Variants in ATP6V1B2 observed in about 807,000 individuals in gnomAD.
ATP6V1B2 encodes the protein ATPase H+ transporting V1 subunit B2.
Under a neutral mutation model 66.7 loss-of-function variants are expected in ATP6V1B2, and 23 were observed. That is an observed-to-expected ratio of 0.34 (90% CI 0.25 to 0.49). ATP6V1B2 has a LOEUF of 0.49. Among genes scored for constraint, ATP6V1B2 ranks in the 20% least tolerant of loss-of-function variants. The pLI, the probability that ATP6V1B2 is intolerant of heterozygous loss-of-function variation, is 0.99. For synonymous variants in ATP6V1B2, 278 were observed against 236.7 expected (o/e 1.17, Z -1.60); for missense variants, 478 against 650.8 (o/e 0.73, Z 2.89).
At chr8:20,201,310 G>T (rs979194158) in intron 1 of ATP6V1B2, among the ~76,000 whole-genome samples, 1 of 152,162 alleles carries the variant, frequency 6.6e-6, no homozygotes, top group Non-Finnish European at 1.5e-5. Flanking sequence ...TTACAAATGG[G>T]TTTTTTCCTG....
At chr8:20,215,118 A>C in intron 10 of ATP6V1B2, 150 bp downstream of exon 10, 2 of 903,062 alleles carry the variant, frequency 2.2e-6, no homozygotes, top group Non-Finnish European at 3.1e-6. Context: ...TTCATTTGAA[A>C]ATTACCCACA....
chr8:20,203,980 C>T (rs1303916316), intron 1 of ATP6V1B2: 2 of 455,910 alleles, frequency 4.4e-6, no homozygotes, highest in Non-Finnish European at 4.4e-6. Flanking sequence ...TCTCCAATTT[C>T]CTTTGTGACT....
chr8:20,201,584 A>G (rs1176132533), intron 1 of ATP6V1B2, among the ~76,000 whole-genome samples: 1 of 152,126 alleles, frequency 6.6e-6, no homozygotes, highest in Non-Finnish European at 1.5e-5. Context: ...TGTACTGAAG[A>G]CTAAGGCCAG....
Position 20,197,444 on chromosome 8 carries a change from C to A in ATP6V1B2, c.38C>A (p.Ala13Asp). 3 of 1,541,564 alleles carry A rather than the reference C, an allele frequency of 1.9e-6. No homozygotes were observed. Among genetic ancestry groups the A allele is most frequent in the East Asian group, 2.7e-5 (1 of 37,646 alleles). The change falls in exon 1 of 14, where the codon GCC (alanine) becomes GAC (aspartate). Residue 13 changes from alanine to aspartate, a missense_variant. Ala to Asp is a moderately radical substitution (Grantham distance 126). Coordinates refer to ENST00000276390, the MANE Select transcript of ATP6V1B2 (RefSeq NM_001693.4). Reference sequence around the variant, plus strand: ...GCGATGCGGGGGATTGTCAACGGGGCCGCACCCGAGCTACCCGTGCCCACC... The same window carrying A: ...GCGATGCGGGGGATTGTCAACGGGGACGCACCCGAGCTACCCGTGCCCACC... ...LRAMRGIVNGAAPELPVPTGG... is the reference protein window; with the variant it reads ...LRAMRGIVNGDAPELPVPTGG...
At chr8:20,205,862 G>A (rs2072733623) in intron 2 of ATP6V1B2, among the ~76,000 whole-genome samples, 3 of 152,120 alleles carry the variant, frequency 2.0e-5, no homozygotes, top group African/African-American at 7.2e-5. Flanking sequence ...ATGCATTCAT[G>A]TTAGATATTA....
rs576289068 is a variant in ATP6V1B2 at position 20,204,657 on chromosome 8, G to A, written c.192+118G>A. ...AAGCCATACTTTAGACTGGGTGTCA[G>A]TCAGTCTAAAGCCCAGATACCATGA... On this transcript the variant is annotated intron_variant, in intron 2 of 13. Transcript: ENST00000276390. 31 of 822,832 alleles carry A rather than the reference G, an allele frequency of 3.8e-5. No individual in the cohort carries two copies. The South Asian group carries it at 6.1e-4, about 16-fold the overall frequency. 51.0% of individuals were successfully genotyped at this position (822,832 alleles called of 1,614,324 possible).
chr8:20,201,084 T>A (rs745620159), intron 1 of ATP6V1B2, among the ~76,000 whole-genome samples: 1 of 150,164 alleles, frequency 6.7e-6, no homozygotes, highest in Non-Finnish European at 1.5e-5. Context: ...GGGTTTTAGA[T>A]GTTACTTCAT....
At chr8:20,199,604 G>GTTTTTTTTTTTT in intron 1 of ATP6V1B2, among the ~76,000 whole-genome samples, 1 of 87,592 alleles carries the variant, frequency 1.1e-5, no homozygotes, top group Non-Finnish European at 2.1e-5. Context: ...ATTTTTGTGG[G>GTTTTTTTTTTTT]TTTTTTTTTT....
chr8:20,211,797 T>C (rs1405833596), intron 7 of ATP6V1B2, 44 bp downstream of exon 7: 2 of 1,485,028 alleles, frequency 1.3e-6, no homozygotes, highest in East Asian at 2.3e-5. Context: ...AAATTTTGCT[T>C]GTGTCGTGAG....
chr8:20,217,568 G>A lies in ATP6V1B2; in HGVS notation c.1266+244G>A, dbSNP rs566253293. Reference sequence around the variant, plus strand: ...ATGCTATCAAGTTTCCAAATAAAAAGCCAAGCAATGAGGTTGTTTAAATTT... The same window carrying A: ...ATGCTATCAAGTTTCCAAATAAAAAACCAAGCAATGAGGTTGTTTAAATTT... On this transcript the variant is annotated intron_variant, in intron 12 of 13. Transcript: ENST00000276390. 3.3e-5 allele frequency among the ~76,000 whole-genome samples: 5 copies of A among 152,250 alleles called. No homozygotes were observed. The East Asian group carries it at 9.6e-4, about 29-fold the overall frequency.
chr8:20,211,960 G>C, intron 7 of ATP6V1B2, 142 bp from the exon 8 acceptor site: 1 of 863,006 alleles, frequency 1.2e-6, no homozygotes, highest in Non-Finnish European at 1.8e-6. Context: ...CCGGCTCTTT[G>C]TTCTGTTGGT....
At chr8:20,213,190 G>A in intron 9 of ATP6V1B2, 1 of 351,774 alleles carries the variant, frequency 2.8e-6, no homozygotes, top group East Asian at 8.2e-5. Flanking sequence ...TGTTTATTCA[G>A]TTACTCTCTC....
chr8:20,217,536 A>G (rs1255659841), intron 12 of ATP6V1B2, among the ~76,000 whole-genome samples: 1 of 152,172 alleles, frequency 6.6e-6, no homozygotes, highest in African/African-American at 2.4e-5. Context: ...CTTGAAACCC[A>G]TGTCTAATGC....
At chr8:20,201,155 A>G (rs771784711) in intron 1 of ATP6V1B2, among the ~76,000 whole-genome samples, 1 of 152,206 alleles carries the variant, frequency 6.6e-6, no homozygotes, top group South Asian at 2.1e-4. Context: ...TGGTTGTAAA[A>G]TATGTTAAGA....
At position 20,197,446 on chromosome 8, in the gene ATP6V1B2, G is replaced by C; in HGVS notation, c.40G>C (p.Ala14Pro). 2 of 1,542,434 alleles carry C rather than the reference G, an allele frequency of 1.3e-6. No individual in the cohort carries two copies. The highest frequency in any genetic ancestry group is 1.7e-6 in the Non-Finnish European group (2 of 1,145,044). Residue 14 changes from alanine (A) to proline (P), a missense_variant, in exon 1 of 14, where the codon GCA becomes CCA. Coordinates refer to ENST00000276390, the MANE Select transcript of ATP6V1B2 (RefSeq NM_001693.4). ...RAMRGIVNGA[A>P]PELPVPTGGP... The stretch of plus-strand genomic sequence containing the variant: ...GATGCGGGGGATTGTCAACGGGGCC[G>C]CACCCGAGCTACCCGTGCCCACCGG...
intron 9 of ATP6V1B2, chr8:20,213,792 G>T (rs1489783440): frequency 6.6e-6 from 1 of 152,108 alleles, no homozygotes; most frequent in African/African-American, 2.4e-5. Flanking sequence ...TTCCTTCAGT[G>T]CCCTCACCAT....
At chr8:20,197,806 C>A (rs1285407180) in intron 1 of ATP6V1B2, among the ~76,000 whole-genome samples, 1 of 152,180 alleles carries the variant, frequency 6.6e-6, no homozygotes, top group East Asian at 1.9e-4. Flanking sequence ...CCCTCCCCTC[C>A]CCAGCTTCCC....
intron 6 of ATP6V1B2, 74 bp from the exon 7 acceptor site, chr8:20,211,578 T>G (rs1047449920): frequency 4.1e-6 from 6 of 1,480,098 alleles, no homozygotes; most frequent in Middle Eastern, 1.7e-4. Context: ...TTCCAAAAAG[T>G]TTATGGTAAA....
At chr8:20,200,142 A>G (rs972016478) in intron 1 of ATP6V1B2, among the ~76,000 whole-genome samples, 10 of 151,922 alleles carry the variant, frequency 6.6e-5, no homozygotes, top group African/African-American at 2.4e-4. Flanking sequence ...ATCTGGGACT[A>G]CAGACGGACA....
Sources: allele counts gnomAD v4.1 joint callset (sites outside exome capture counted in the v4.1 genomes callset), GRCh38; gene constraint gnomAD v4.1.1; transcripts MANE v1.5; gene names NCBI Gene and HGNC (gene_info 2026-07-23, HGNC 2026-07-21).